Variants in NRXN3 observed in about 807,000 individuals in gnomAD.
NRXN3 encodes the protein neurexin 3.
A neutral mutation model predicts 137.6 loss-of-function variants in NRXN3; 32 were observed. That is an observed-to-expected ratio of 0.23 (90% confidence interval 0.18 to 0.31). NRXN3 has a LOEUF of 0.31. NRXN3 is among the 10% of genes least tolerant of loss of function. NRXN3 has a pLI of 1.00. For synonymous variants in NRXN3, 798 were observed against 784.5 expected (o/e 1.02, Z -0.29); for missense variants, 1,574 against 2,062.5 (o/e 0.76, Z 4.59).
intron 8 of NRXN3, among the ~76,000 whole-genome samples, chr14:78,726,945 C>G (rs1461626889): frequency 8.8e-6 from 1 of 113,538 alleles, no homozygotes; most frequent in Non-Finnish European, 1.8e-5. Context: ...GGGAGCTATA[C>G]AGGATTTATT....
At chr14:79,580,744 TA>T (rs536847140) in intron 16 of NRXN3, among the ~76,000 whole-genome samples, 1 of 151,844 alleles carries the variant, frequency 6.6e-6, no homozygotes, top group African/African-American at 2.4e-5. Context: ...TGCTTTGGCT[TA>T]AAAAAAAGTC....
chr14:79,450,095 C>G (rs1427446483), intron 15 of NRXN3, among the ~76,000 whole-genome samples: 2 of 151,228 alleles, frequency 1.3e-5, no homozygotes, highest in African/African-American at 2.4e-5. Context: ...CTCTCCCTCT[C>G]TCCACACATA....
At chr14:79,196,264 C>A (rs1446406612) in intron 15 of NRXN3, among the ~76,000 whole-genome samples, 1 of 152,136 alleles carries the variant, frequency 6.6e-6, no homozygotes, top group African/African-American at 2.4e-5. Flanking sequence ...TAACAGAATG[C>A]CCCAGACTGG....
rs1189485587 is a variant in NRXN3, at chr14:79,765,916, C to T, written c.4015-39196C>T. ...AAAAAACAGTTCTTATATGTTCATA[C>T]AGTTTGCTTTCAACAATAACTCCAC... On this transcript the variant is annotated intron_variant, in intron 19 of 20. Coordinates refer to ENST00000335750, the MANE Select transcript of NRXN3 (RefSeq NM_001330195.2). 2.0e-5 allele frequency among the ~76,000 whole-genome samples: 3 copies of T among 152,136 alleles called. No homozygotes were observed. The East Asian group carries it at 5.8e-4, about 29-fold the overall frequency.
chr14:78,198,191 G>T (rs1469931334), intron 1 of NRXN3, among the ~76,000 whole-genome samples: 2 of 152,166 alleles, frequency 1.3e-5, no homozygotes, highest in Non-Finnish European at 2.9e-5. Context: ...TCTCCTCCCT[G>T]CTCAGCCACA....
intron 4 of NRXN3, among the ~76,000 whole-genome samples, chr14:78,338,191 A>G (rs945128996): frequency 6.6e-6 from 1 of 152,060 alleles, no homozygotes; most frequent in Non-Finnish European, 1.5e-5. Flanking sequence ...TCTCTGTAAC[A>G]TTTCCCTCAA....
chr14:79,229,086 C>A (rs937203866), intron 15 of NRXN3, among the ~76,000 whole-genome samples: 3 of 152,006 alleles, frequency 2.0e-5, no homozygotes, highest in Non-Finnish European at 2.9e-5. Context: ...TGACTAGGAC[C>A]CAAGTTAATC....
chr14:79,447,708 C>A (rs1054113980), intron 15 of NRXN3, among the ~76,000 whole-genome samples: 2 of 152,168 alleles, frequency 1.3e-5, no homozygotes, highest in Non-Finnish European at 2.9e-5. Context: ...CTAGGAAGTG[C>A]TTTTACACCT....
At chr14:79,499,551 G>A (rs2096799044) in intron 16 of NRXN3, among the ~76,000 whole-genome samples, 2 of 152,278 alleles carry the variant, frequency 1.3e-5, no homozygotes, top group Admixed American at 6.5e-5. Flanking sequence ...TTGAATGAAA[G>A]TATCAAGGGG....
At chr14:78,264,177 G>A (rs569717650) in intron 2 of NRXN3, among the ~76,000 whole-genome samples, 1 of 152,254 alleles carries the variant, frequency 6.6e-6, no homozygotes, top group African/African-American at 2.4e-5. Context: ...GGTCACTATA[G>A]AATCTACAGC....
At chr14:79,113,251 T>C (rs1032526978) in intron 15 of NRXN3, among the ~76,000 whole-genome samples, 6 of 152,162 alleles carry the variant, frequency 3.9e-5, no homozygotes, top group South Asian at 4.1e-4. Context: ...ATGGATCATA[T>C]TGACCAGAAG....
rs8011878 is a variant in NRXN3 at position 78,195,226 on chromosome 14, T to C, written c.-704+24552T>C. Among the ~76,000 whole-genome samples the C allele has an allele frequency of 3.7e-3, 568 of 152,348 alleles. 4 individuals carry two copies. Among genetic ancestry groups the C allele is most frequent in the African/African-American group, 0.013 (536 of 41,574 alleles). On this transcript the variant is annotated intron_variant, in intron 1 of 20. Transcript: ENST00000335750. ...AGAGGCCAGTATGAACCAGGCACTG[T>C]GCTAGGCATTGTTCCTGGTGTCATC...
chr14:79,606,756 G>C (rs1424028835), intron 16 of NRXN3, among the ~76,000 whole-genome samples: 1 of 152,186 alleles, frequency 6.6e-6, no homozygotes, highest in African/African-American at 2.4e-5. Flanking sequence ...ATAATCCAGA[G>C]TCACGGTTTT....
At chr14:79,039,926 A>C (rs780743264) in intron 15 of NRXN3, among the ~76,000 whole-genome samples, 11 of 152,104 alleles carry the variant, frequency 7.2e-5, no homozygotes, top group Non-Finnish European at 1.3e-4. Context: ...CTGGTCTCAA[A>C]CTACTGACCT....
chr14:79,355,054 A>T (rs2093368295), intron 15 of NRXN3, among the ~76,000 whole-genome samples: 1 of 152,170 alleles, frequency 6.6e-6, no homozygotes, highest in South Asian at 2.1e-4. Context: ...TGTTGCTTAA[A>T]ATTTTAAATC....
At chr14:78,478,550 GA>G (rs201870335) in intron 4 of NRXN3, among the ~76,000 whole-genome samples, 3,081 of 151,676 alleles carry the variant, frequency 0.02, 93 homozygotes, top group African/African-American at 0.063. Context: ...AAAGAAGTCA[GA>G]AAAAAAAGAG....
chr14:79,740,762 AT>A, intron 19 of NRXN3, among the ~76,000 whole-genome samples: 1 of 106,872 alleles, frequency 9.4e-6, no homozygotes, highest in African/African-American at 3.6e-5. Context: ...ATATATATAT[AT>A]ATATAACCTT....
intron 4 of NRXN3, among the ~76,000 whole-genome samples, chr14:78,549,844 C>T (rs952486420): frequency 6.6e-6 from 1 of 152,014 alleles, no homozygotes; most frequent in African/African-American, 2.4e-5. Flanking sequence ...TCCTTGGGTC[C>T]TGGCCTACTC....
chr14:78,398,455 C>T (rs549626229), intron 4 of NRXN3, among the ~76,000 whole-genome samples: 2 of 152,210 alleles, frequency 1.3e-5, no homozygotes, highest in African/African-American at 4.8e-5. Context: ...GGGGGAACCA[C>T]CTCCTTACTA....
Sources: allele counts gnomAD v4.1 joint callset (sites outside exome capture counted in the v4.1 genomes callset), GRCh38; gene constraint gnomAD v4.1.1; transcripts MANE v1.5; gene names NCBI Gene and HGNC (gene_info 2026-07-23, HGNC 2026-07-21).